The following SUSD5 variants were observed in gnomAD, a reference collection of about 807,000 sequenced individuals.
SUSD5 encodes sushi domain-containing protein 5.
SUSD5 carries 33 observed loss-of-function variants against 29.5 expected under a neutral mutation model. That is an observed-to-expected ratio of 1.12 (90% CI 0.85 to 1.49). The LOEUF (loss-of-function observed/expected upper bound fraction) is 1.49, where lower values mean the gene tolerates loss of function less well. Ranked by LOEUF, SUSD5 falls within the 40% of genes most tolerant of loss-of-function variation. The pLI is 0.00. For missense variants in SUSD5, 776 were observed against 800.6 expected (o/e 0.97, Z 0.37); for synonymous variants, 308 against 325.3 (o/e 0.95, Z 0.57).
intron 4 of SUSD5, among the ~76,000 whole-genome samples, chr3:33,154,756 T>C (rs747962309): frequency 2.0e-5 from 3 of 152,150 alleles, no homozygotes; most frequent in African/African-American, 7.2e-5. Flanking sequence ...ATATAAGACA[T>C]TGCTAAGCAA....
chr3:33,153,937 T>A lies in SUSD5; in HGVS notation c.695A>T (p.Asp232Val), dbSNP rs780847501. The A allele has an allele frequency of 1.9e-6, 3 of 1,614,056 alleles. No homozygotes were observed. Among genetic ancestry groups the A allele is most frequent in the Non-Finnish European group, 2.5e-6 (3 of 1,179,894 alleles). The change falls in exon 5 of 5, where the codon GAT becomes GTT. Residue 232 changes from aspartate to valine, a missense_variant. Transcript: ENST00000309558. Reference sequence around the variant, plus strand: ...GGAGTCTCCCTGACCCCTGTCCTCATCTGCCTCTGTCCGGGAATCCTCCAT... The same window carrying A: ...GGAGTCTCCCTGACCCCTGTCCTCAACTGCCTCTGTCCGGGAATCCTCCAT... ...ELMEDSRTEA[D>V]EDRGQGDSSE...
At chr3:33,156,070 T>G (rs1428944471) in intron 4 of SUSD5, among the ~76,000 whole-genome samples, 1 of 151,692 alleles carries the variant, frequency 6.6e-6, no homozygotes, top group African/African-American at 2.4e-5. Context: ...AGAGAGAGTC[T>G]CGCTCTGTCT....
Position 33,218,729 on chromosome 3 carries a change from C to T in SUSD5, c.69G>A (p.Ala23=). ...GGCGCGGCAGACCGAGCAGGAGCAG[C>T]GCCGCCGCCCAGAGCCCGGGGAGGC... ...HRRLPGLWAA[A]LLLLGLPRLS... The change falls in exon 1 of 5, where the codon GCG becomes GCA. Residue 23 remains alanine (A), a synonymous_variant. Transcript: ENST00000309558. The T allele has an allele frequency of 3.7e-6, 5 of 1,350,312 alleles. No individual in the cohort carries two copies. The highest frequency in any genetic ancestry group is 3.8e-6 in the Non-Finnish European group (4 of 1,056,398). The allele number at this position is 1,350,312 out of a possible 1,614,324, so 83.6% of individuals were successfully genotyped here.
At chr3:33,191,077 T>C (rs11715079) in intron 3 of SUSD5, among the ~76,000 whole-genome samples, 90,521 of 151,866 alleles carry the variant, frequency 0.6, 27,216 homozygotes, top group South Asian at 0.66. Context: ...TACTGGGTTT[T>C]GGGTATTTAC....
intron 3 of SUSD5, among the ~76,000 whole-genome samples, chr3:33,189,767 A>G (rs2031854238): frequency 6.6e-6 from 1 of 152,200 alleles, no homozygotes; most frequent in East Asian, 1.9e-4. Context: ...TAAAGTACAC[A>G]TTGCTAGCTT....
rs1203880733 is a variant in SUSD5, at chr3:33,175,082, G to A, written c.410-8C>T. 1 of 1,613,784 alleles carries A rather than the reference G, an allele frequency of 6.2e-7. No homozygotes were observed. Among genetic ancestry groups the A allele is most frequent in the South Asian group, 1.1e-5 (1 of 91,070 alleles). Reference sequence around the variant, plus strand: ...GGTCTCCACACGGCTTCTCTGAGGAGAAGGAATCACAGTTAGCTTTTCCAA... The same window carrying A: ...GGTCTCCACACGGCTTCTCTGAGGAAAAGGAATCACAGTTAGCTTTTCCAA... On this transcript the variant is annotated splice_polypyrimidine_tract_variant and splice_region_variant and intron_variant, in intron 3 of 4. Coordinates refer to ENST00000309558, the MANE Select transcript of SUSD5 (RefSeq NM_015551.2).
intron 2 of SUSD5, among the ~76,000 whole-genome samples, chr3:33,208,149 A>C (rs2032258190): frequency 6.6e-6 from 1 of 152,186 alleles, no homozygotes; most frequent in Non-Finnish European, 1.5e-5. Flanking sequence ...CGAGTTTCAA[A>C]GGCAATATAT....
intron 2 of SUSD5, among the ~76,000 whole-genome samples, chr3:33,208,992 T>C (rs762764299): frequency 2.4e-4 from 36 of 152,214 alleles, no homozygotes; most frequent in Non-Finnish European, 3.4e-4. Flanking sequence ...AGTGTTTAAG[T>C]GCAGACTGGA....
Position 33,150,149 on chromosome 3 carries a change from A to G in SUSD5, c.*2593T>C, listed in dbSNP as rs978278487. ...AACATTCACCATTCTCAAAACATGC[A>G]TGACATACAATTTAGATTTACATTG... On this transcript the variant is annotated 3_prime_UTR_variant, in exon 5 of 5. Coordinates refer to ENST00000309558, the MANE Select transcript of SUSD5 (RefSeq NM_015551.2). 3 of 152,176 alleles carry G rather than the reference A, an allele frequency of 2.0e-5. No homozygotes were observed. The highest frequency in any genetic ancestry group is 7.2e-5 in the African/African-American group (3 of 41,456). The allele number at this position is 152,176 out of a possible 1,614,324, so 9.4% of individuals were successfully genotyped here.
intron 3 of SUSD5, among the ~76,000 whole-genome samples, chr3:33,207,557 G>T (rs1022476731): frequency 6.6e-6 from 1 of 152,150 alleles, no homozygotes; most frequent in African/African-American, 2.4e-5. Flanking sequence ...GGGGTTTCCT[G>T]AGTGATTGAG....
At chr3:33,185,637 T>C (rs1486865368) in intron 3 of SUSD5, among the ~76,000 whole-genome samples, 1 of 152,244 alleles carries the variant, frequency 6.6e-6, no homozygotes, top group Non-Finnish European at 1.5e-5. Context: ...GATGTGTCAG[T>C]TTGTTCAGCT....
At chr3:33,180,492 C>G (rs2125622768) in intron 3 of SUSD5, among the ~76,000 whole-genome samples, 1 of 152,202 alleles carries the variant, frequency 6.6e-6, no homozygotes, top group South Asian at 2.1e-4. Flanking sequence ...TCCTGAATAG[C>G]TGGGACTATA....
chr3:33,211,910 T>C (rs765022144), intron 2 of SUSD5, among the ~76,000 whole-genome samples: 5 of 152,210 alleles, frequency 3.3e-5, no homozygotes, highest in Non-Finnish European at 5.9e-5. Flanking sequence ...AGTTGATTTT[T>C]ATATGAGGTG....
At chr3:33,209,257 T>C (rs1273151579) in intron 2 of SUSD5, among the ~76,000 whole-genome samples, 1 of 152,216 alleles carries the variant, frequency 6.6e-6, no homozygotes, top group Non-Finnish European at 1.5e-5. Flanking sequence ...ATGATGTGCC[T>C]AGCTGTGAAT....
intron 3 of SUSD5, among the ~76,000 whole-genome samples, chr3:33,189,478 CAAAAAAA>C (rs71630568): frequency 0.011 from 973 of 91,590 alleles, 7 homozygotes; most frequent in South Asian, 0.035. Flanking sequence ...CTCTCCTTCT[CAAAAAAA>C]AAAAAAAAAA....
At chr3:33,190,446 T>C (rs755951093) in intron 3 of SUSD5, 1 of 152,374 alleles carries the variant, frequency 6.6e-6, no homozygotes, top group Non-Finnish European at 1.5e-5. Context: ...TAACATTATA[T>C]TGTGAAATTT....
chr3:33,206,336 T>C (rs1254775731), intron 3 of SUSD5, among the ~76,000 whole-genome samples: 1 of 151,768 alleles, frequency 6.6e-6, no homozygotes, highest in Non-Finnish European at 1.5e-5. Flanking sequence ...ATCACACCAC[T>C]GCACTCCAGC....
chr3:33,203,983 T>C (rs1339021998), intron 3 of SUSD5, among the ~76,000 whole-genome samples: 1 of 151,644 alleles, frequency 6.6e-6, no homozygotes, highest in African/African-American at 2.4e-5. Flanking sequence ...GGCATGATCA[T>C]AGCTCACTGC....
At chr3:33,156,466 T>C (rs1231908168) in intron 4 of SUSD5, among the ~76,000 whole-genome samples, 1 of 152,144 alleles carries the variant, frequency 6.6e-6, no homozygotes, top group East Asian at 1.9e-4. Context: ...GAGACCAGAA[T>C]GTAAGGACAG....
Sources: gnomAD v4.1 joint callset for allele counts (sites outside exome capture counted in the v4.1 genomes callset) on GRCh38, gnomAD v4.1.1 for gene constraint, MANE v1.5 for transcripts, NCBI Gene and HGNC (gene_info 2026-07-23, HGNC 2026-07-21) for gene names.